The following ATP8B3 variants were observed in gnomAD, a reference collection of about 807,000 sequenced individuals.
ATP8B3 encodes the protein ATPase phospholipid transporting 8B3, also known as phospholipid-transporting ATPase IK.
Under a neutral mutation model 140.9 loss-of-function variants are expected in ATP8B3, and 141 were observed. The ratio of observed to expected loss-of-function variants is 1.00; its 90% CI spans 0.87 to 1.15. The LOEUF (loss-of-function observed/expected upper bound fraction) is 1.15. ATP8B3 is among the 50% of genes most tolerant of loss of function. The pLI, the probability that ATP8B3 is intolerant of heterozygous loss-of-function variation, is 0.00. For synonymous variants in ATP8B3, 765 were observed against 714.6 expected (o/e 1.07, Z -1.13); for missense variants, 1,874 against 1,740.6 (o/e 1.08, Z -1.36).
chr19:1,784,520 T>C (rs1277360553), intron 28 of ATP8B3, among the ~76,000 whole-genome samples: 2 of 151,834 alleles, frequency 1.3e-5, no homozygotes, highest in African/African-American at 4.8e-5. Flanking sequence ...TCTCAAAAAG[T>C]AAAAATAAAT....
chr19:1,803,166 C>T (rs987177403), intron 10 of ATP8B3, among the ~76,000 whole-genome samples: 5 of 152,168 alleles, frequency 3.3e-5, no homozygotes, highest in Admixed American at 3.3e-4. Context: ...GCCCCCCATT[C>T]ACCAACACCC....
chr19:1,787,255 C>A, intron 24 of ATP8B3, 69 bp from the exon 25 acceptor site: 1 of 1,374,342 alleles, frequency 7.3e-7, no homozygotes, highest in East Asian at 2.5e-5. Context: ...GCCAAGCAGG[C>A]ACCCAGGGAG....
chr19:1,782,787 G>A lies in ATP8B3; in HGVS notation c.*241C>T. 1 of 543,148 alleles carries A rather than the reference G, an allele frequency of 1.8e-6. No individual in the cohort carries two copies. The highest frequency in any genetic ancestry group is 3.3e-6 in the Non-Finnish European group (1 of 304,060). 33.6% of individuals were successfully genotyped at this position (543,148 alleles called of 1,614,324 possible). ...AACTTCTCAGGAGAAGGTGGCCTCT[G>A]CTTGGGTGACAATGACCTCTCCTGT... is the stretch of plus-strand genomic sequence containing the variant. On this transcript the variant is annotated 3_prime_UTR_variant, in exon 29 of 29. Transcript: ENST00000310127.
rs1337337620 is a variant in ATP8B3, at chr19:1,800,137, C to T, written c.1362G>A (p.Leu454=). 3.8e-6 allele frequency: 6 copies of T among 1,558,816 alleles called. No homozygotes were observed. The highest frequency in any genetic ancestry group is 5.2e-6 in the Non-Finnish European group (6 of 1,150,996). ...CCCAGTCGATGAAGACGCTGTTCCCCAGGTAGATGAACTCGGACCTGCAGA... is the reference window on the plus strand; with the variant it reads ...CCCAGTCGATGAAGACGCTGTTCCCTAGGTAGATGAACTCGGACCTGCAGA... The part of the protein sequence containing the change: ...SMFILSEFIY[L]GNSVFIDWDV... Residue 454 remains leucine, a synonymous_variant, in exon 14 of 29, where the codon CTG becomes CTA. Transcript: ENST00000310127. This position sits in a 1 kb window ranked among gnomAD's most constrained non-coding sequence, Gnocchi z 4.4.
At position 1,805,762 on chromosome 19, in the gene ATP8B3, A is replaced by G; in HGVS notation, c.821+126T>C. The G allele has an allele frequency of 1.7e-6, 2 of 1,155,352 alleles. No homozygotes were observed. Among genetic ancestry groups the G allele is most frequent in the South Asian group, 1.3e-5 (1 of 74,154 alleles). 71.6% of individuals were successfully genotyped at this position (1,155,352 alleles called of 1,614,324 possible). ...GGCAGCACCCACGCCCCAGACACTCATGGGGTGAGTGACCAAAGTCTCTGA... is the reference window on the plus strand; with the variant it reads ...GGCAGCACCCACGCCCCAGACACTCGTGGGGTGAGTGACCAAAGTCTCTGA... On this transcript the variant is annotated intron_variant, in intron 9 of 28. Transcript: ENST00000310127. The surrounding 1 kb of genome is among the most constrained non-coding windows in gnomAD (Gnocchi z 5.2).
Position 1,795,947 on chromosome 19 carries a change from G to A in ATP8B3, c.1983C>T (p.Gly661=), listed in dbSNP as rs917942540. 9.3e-6 allele frequency: 15 copies of A among 1,613,234 alleles called. No individual in the cohort carries two copies. The highest frequency in any genetic ancestry group is 1.7e-5 in the Admixed American group (1 of 60,010). The stretch of plus-strand genomic sequence containing the variant: ...AGCGTTCGAAGATGACCGTGTCGGC[G>A]CCCTTGGTGTACAGGCAGATGGCGC... ...PEGAICLYTK[G]ADTVIFERLH... The change falls in exon 18 of 29, where the codon GGC becomes GGT. Residue 661 remains glycine, a synonymous_variant. Transcript: ENST00000310127.
Position 1,791,745 on chromosome 19 carries a change from C to T in ATP8B3, c.2302+5G>A. 1 of 1,608,828 alleles carries T rather than the reference C, an allele frequency of 6.2e-7. No individual in the cohort carries two copies. Among genetic ancestry groups the T allele is most frequent in the South Asian group, 1.1e-5 (1 of 90,996 alleles). ...CTTAGCCACCCGGAGCTGCCCGGGA[C>T]TCACCCTGCTTGTCCCCGGTGAGCA... is the stretch of plus-strand genomic sequence containing the variant. On this transcript the variant is annotated splice_donor_5th_base_variant and intron_variant, in intron 20 of 28. Coordinates refer to ENST00000310127, the MANE Select transcript of ATP8B3 (RefSeq NM_138813.4).
rs760115108 is a variant in ATP8B3, at chr19:1,810,617, A to G, written c.310+5T>C. The G allele has an allele frequency of 5.0e-6, 8 of 1,612,440 alleles. No individual in the cohort carries two copies. In the Admixed American group the frequency reaches 1.3e-4, roughly 27 times the overall value. On this transcript the variant is annotated splice_donor_5th_base_variant and intron_variant, in intron 3 of 28. Transcript: ENST00000310127. ...TGCACCGCCCCCTCTGCCCAGGATC[A>G]GCACCTGAGTTCCTGTCCTCATCTT...
intron 23 of ATP8B3, 62 bp from the exon 24 acceptor site, chr19:1,789,182 A>C (rs1276058820): frequency 2.4e-4 from 188 of 777,046 alleles, no homozygotes; most frequent in South Asian, 8.5e-4. Flanking sequence ...GCCCCCCCAG[A>C]CCCCCGCACT....
intron 28 of ATP8B3, among the ~76,000 whole-genome samples, chr19:1,783,710 G>A (rs571985903): frequency 6.6e-6 from 1 of 152,338 alleles, no homozygotes; most frequent in Non-Finnish European, 1.5e-5. Flanking sequence ...GTGCAGTAAA[G>A]GTGGCAGGAG....
rs1008009331 is a variant in ATP8B3, at chr19:1,795,053, T to A, written c.2055+822A>T. Among the ~76,000 whole-genome samples, 4 of 151,648 alleles carry A rather than the reference T, an allele frequency of 2.6e-5. No individual in the cohort carries two copies. The South Asian group carries it at 8.3e-4, about 32-fold the overall frequency. ...GGGTGGATCACCTGAGGTCACGAGT[T>A]GGAGACCAGCCTGGCAACATGGTGA... On this transcript the variant is annotated intron_variant, in intron 18 of 28. Coordinates refer to ENST00000310127, the MANE Select transcript of ATP8B3 (RefSeq NM_138813.4).
intron 10 of ATP8B3, among the ~76,000 whole-genome samples, chr19:1,804,476 C>T (rs180854654): frequency 5.5e-4 from 84 of 152,264 alleles, no homozygotes; most frequent in African/African-American, 1.7e-3. Context: ...AGCCTGGTGG[C>T]GGGCGCCTGT....
rs754184303 is a variant in ATP8B3, at chr19:1,805,870, G to A, written c.821+18C>T. The A allele has an allele frequency of 1.6e-5, 25 of 1,612,400 alleles. No individual in the cohort carries two copies. Among genetic ancestry groups the A allele is most frequent in the South Asian group, 3.3e-5 (3 of 91,078 alleles). On this transcript the variant is annotated intron_variant, in intron 9 of 28. Coordinates refer to ENST00000310127, the MANE Select transcript of ATP8B3 (RefSeq NM_138813.4). This position sits in a 1 kb window ranked among gnomAD's most constrained non-coding sequence, Gnocchi z 5.2. ...CTCCCCACCCCCCAGGGTCCCCAGC[G>A]ATGCCACAGCTCCTCACCCGTCAAT...
Position 1,789,988 on chromosome 19 carries a change from G to GGCTGC in ATP8B3, c.2379-4_2379dup (p.Arg794AlafsTer16). On this transcript the variant is annotated frameshift_variant and splice_region_variant, in exon 22 of 29. Transcript: ENST00000310127. LOFTEE classifies it high-confidence loss of function. Reference sequence around the variant, plus strand: ...TTTTCCCAGTAGGTCTCCAGGATGCGGCTGCGGGGCGCAGGGGTCAGCGGG... The same window carrying GGCTGC: ...TTTTCCCAGTAGGTCTCCAGGATGCGGCTGCGCTGCGGGGCGCAGGGGTCAGCGGG... 6.2e-7 allele frequency: 1 copy of GGCTGC among 1,610,420 alleles called. No homozygotes were observed. The highest frequency in any genetic ancestry group is 8.5e-7 in the Non-Finnish European group (1 of 1,178,450).
rs2069089862 is a variant in ATP8B3, at chr19:1,808,321, G to A, written c.417C>T (p.Arg139=). Reference sequence around the variant, plus strand: ...ACGAGTAGAAGTTGTACTTGGCCGTGCGGATGACATTGGTCTGGAACGAGA... The same window carrying A: ...ACGAGTAGAAGTTGTACTTGGCCGTACGGATGACATTGGTCTGGAACGAGA... The part of the protein sequence containing the change: ...QRKKYKTNVI[R]TAKYNFYSFL... The change falls in exon 5 of 29, where the codon CGC becomes CGT. Residue 139 remains arginine (R), a synonymous_variant. Coordinates refer to ENST00000310127, the MANE Select transcript of ATP8B3 (RefSeq NM_138813.4). 3 of 1,612,460 alleles carry A rather than the reference G, an allele frequency of 1.9e-6. No individual in the cohort carries two copies. Among genetic ancestry groups the A allele is most frequent in the South Asian group, 1.1e-5 (1 of 90,978 alleles).
Position 1,795,943 on chromosome 19 carries a change from C to G in ATP8B3, c.1987G>C (p.Asp663His). ...TGCAAGCGTTCGAAGATGACCGTGTCGGCGCCCTTGGTGTACAGGCAGATG... is the reference window on the plus strand; with the variant it reads ...TGCAAGCGTTCGAAGATGACCGTGTGGGCGCCCTTGGTGTACAGGCAGATG... ...GAICLYTKGA[D>H]TVIFERLHRR... The change falls in exon 18 of 29, where the codon GAC (aspartate) becomes CAC (histidine). Residue 663 changes from aspartate (D) to histidine (H), a missense_variant. Physicochemically the swap from Asp to His is moderately conservative, Grantham distance 81 (BLOSUM62 -1). Coordinates refer to ENST00000310127, the MANE Select transcript of ATP8B3 (RefSeq NM_138813.4). The G allele has an allele frequency of 2.5e-6, 4 of 1,613,262 alleles. No individual in the cohort carries two copies. The African/African-American group carries it at 4.0e-5, about 16-fold the overall frequency.
At position 1,802,545 on chromosome 19, in the gene ATP8B3, G is replaced by A. The variant is rs2145199866; in HGVS notation, c.1005C>T (p.Leu335=). The A allele has an allele frequency of 6.2e-7, 1 of 1,610,190 alleles. No homozygotes were observed. Among genetic ancestry groups the A allele is most frequent in the East Asian group, 2.2e-5 (1 of 44,662 alleles). ...KKYSLDIGNL[L]LRGCRIRNTD... The stretch of plus-strand genomic sequence containing the variant: ...TGTTGCGAATCCTGCAGCCTCGGAG[G>A]AGGAGGTTGCCAATGTCCAGGGAGT... Residue 335 remains leucine, a synonymous_variant, in exon 11 of 29, where the codon CTC becomes CTT. Transcript: ENST00000310127.
intron 14 of ATP8B3, among the ~76,000 whole-genome samples, chr19:1,797,910 T>A (rs2068731191): frequency 6.6e-6 from 1 of 152,052 alleles, no homozygotes; most frequent in African/African-American, 2.4e-5. Flanking sequence ...GCTCAAGACA[T>A]CTTCCCTCTT....
At position 1,783,012 on chromosome 19, in the gene ATP8B3, A is replaced by G; in HGVS notation, c.*16T>C. The stretch of plus-strand genomic sequence containing the variant: ...TGGTGCTTCTTCTTCCCCAGGAAGG[A>G]CATCTTCCTGAGGTGTCACTGTGAC... On this transcript the variant is annotated 3_prime_UTR_variant, in exon 29 of 29. Transcript: ENST00000310127. 1 of 1,591,044 alleles carries G rather than the reference A, an allele frequency of 6.3e-7. No individual in the cohort carries two copies. Among genetic ancestry groups the G allele is most frequent in the Non-Finnish European group, 8.6e-7 (1 of 1,169,346 alleles).
Sources: allele counts gnomAD v4.1 joint callset (sites outside exome capture counted in the v4.1 genomes callset), GRCh38; gene constraint gnomAD v4.1.1; non-coding constraint Gnocchi (gnomAD v3.1); transcripts MANE v1.5; gene names NCBI Gene and HGNC (gene_info 2026-07-23, HGNC 2026-07-21).